The following MAP3K10 variants were observed in gnomAD, a reference collection of about 807,000 sequenced individuals.
MAP3K10 encodes mitogen-activated protein kinase kinase kinase 10.
A neutral mutation model predicts 75.0 loss-of-function variants in MAP3K10; 22 were observed. The ratio of observed to expected loss-of-function variants is 0.29; its 90% CI spans 0.21 to 0.42. The LOEUF is 0.42. MAP3K10 is among the 10% of genes least tolerant of loss of function. The probability of loss-of-function intolerance (pLI) is 1.00; values close to 1 mark genes in which losing one functional copy is unlikely to be tolerated. For synonymous variants in MAP3K10, 599 were observed against 612.9 expected, an observed-to-expected ratio of 0.98 and a Z score of 0.34; for missense variants, 1,165 against 1,379.8, an observed-to-expected ratio of 0.84 and a Z score of 2.47.
Position 40,215,129 on chromosome 19 carries a change from T to C in MAP3K10, c.2702T>C (p.Leu901Pro), listed in dbSNP as rs750783878. 1 of 1,610,458 alleles carries C rather than the reference T, an allele frequency of 6.2e-7. No individual in the cohort carries two copies. Among genetic ancestry groups the C allele is most frequent in the South Asian group, 1.1e-5 (1 of 90,754 alleles). Residue 901 changes from leucine (L) to proline (P), a missense_variant, in exon 10 of 10, where the codon CTG becomes CCG. By Grantham distance (98) the Leu-to-Pro change is moderately conservative. Transcript: ENST00000253055. ...ASRPRLDPWKLVSFGRTLTIS... is the reference protein window; with the variant it reads ...ASRPRLDPWKPVSFGRTLTIS... ...CGCCCCCGCTTGGACCCCTGGAAAC[T>C]GGTCTCCTTCGGCCGGACACTCACC...
At chr19:40,195,360 A>G (rs1187322894) in intron 1 of MAP3K10, among the ~76,000 whole-genome samples, 3 of 151,972 alleles carry the variant, frequency 2.0e-5, no homozygotes, top group Non-Finnish European at 2.9e-5. Context: ...TTTCGATACA[A>G]ACAGGAGAGG....
At position 40,213,438 on chromosome 19, in the gene MAP3K10, C is replaced by G; in HGVS notation, c.1838-79C>G. 5.8e-6 allele frequency: 9 copies of G among 1,558,604 alleles called. No individual in the cohort carries two copies. The South Asian group carries it at 1.1e-4, about 18-fold the overall frequency. ...TTGGTCTTGCTGTTGGAGGGGTCAT[C>G]GGGGGCTGTCCCTTGGCACAAGTCC... On this transcript the variant is annotated intron_variant, in intron 8 of 9. Transcript: ENST00000253055. This position sits in a 1 kb window ranked among gnomAD's most constrained non-coding sequence, Gnocchi z 5.7.
chr19:40,195,899 T>C (rs1205125718), intron 1 of MAP3K10, among the ~76,000 whole-genome samples: 3 of 152,232 alleles, frequency 2.0e-5, no homozygotes, highest in South Asian at 2.1e-4. Context: ...ATGGGCATGA[T>C]AGTAGAACTA....
At chr19:40,211,802 C>A (rs533790934) in intron 6 of MAP3K10, among the ~76,000 whole-genome samples, 1 of 152,308 alleles carries the variant, frequency 6.6e-6, no homozygotes, top group African/African-American at 2.4e-5. Context: ...CAACTCACTG[C>A]AACCTCTGCC....
At position 40,214,010 on chromosome 19, in the gene MAP3K10, A is replaced by ACCCC; in HGVS notation, c.2334_2335insCCCC (p.Ser779ProfsTer74). Reference sequence around the variant, plus strand: ...CCGCACCGGCCGCGCCCTCCCCACCACCCTCCCCGCCCGCGCCCACACCCA... The same window carrying ACCCC: ...CCGCACCGGCCGCGCCCTCCCCACCACCCCCCCTCCCCGCCCGCGCCCACACCCA... On this transcript the variant is annotated frameshift_variant, in exon 9 of 10. Transcript: ENST00000253055. LOFTEE classifies it high-confidence loss of function. 1 of 726,362 alleles carries ACCCC rather than the reference A, an allele frequency of 1.4e-6. No homozygotes were observed. The highest frequency in any genetic ancestry group is 3.1e-5 in the African/African-American group (1 of 31,770). 45.0% of individuals were successfully genotyped at this position (726,362 alleles called of 1,614,324 possible).
In MAP3K10 at chr19:40,203,271, G is replaced by A. The variant is rs533672280; in HGVS notation, c.864-1214G>A. On this transcript the variant is annotated intron_variant, in intron 2 of 9. Transcript: ENST00000253055. ...CAAGAATCACTTGAACCCAAGAGGC[G>A]GAGGTTGCAGGGAGCCGAGATCATG... 9.2e-5 allele frequency among the ~76,000 whole-genome samples: 14 copies of A among 152,142 alleles called. No individual in the cohort carries two copies. The South Asian group carries it at 1.5e-3, about 16-fold the overall frequency.
At position 40,192,559 on chromosome 19, in the gene MAP3K10, T is replaced by C; in HGVS notation, c.528T>C (p.Tyr176=). The C allele has an allele frequency of 3.1e-6, 5 of 1,613,450 alleles. No homozygotes were observed. Among genetic ancestry groups the C allele is most frequent in the Non-Finnish European group, 4.2e-6 (5 of 1,179,888 alleles). The stretch of plus-strand genomic sequence containing the variant: ...CACACCTCTGCCTAGTGATGGAGTA[T>C]GCCCGGGGTGGTGCACTGAGCAGGG... ...NPPHLCLVME[Y]ARGGALSRVL... Residue 176 remains tyrosine (Y), a synonymous_variant, in exon 1 of 10, where the codon TAT becomes TAC. Coordinates refer to ENST00000253055, the MANE Select transcript of MAP3K10 (RefSeq NM_002446.4). This position sits in a 1 kb window ranked among gnomAD's most constrained non-coding sequence, Gnocchi z 7.1.
Position 40,192,089 on chromosome 19 carries a change from G to C in MAP3K10, c.58G>C (p.Val20Leu). Reference protein sequence around the residue: ...KEWGTTPAGPVWTAVFDYEAA... With the variant: ...KEWGTTPAGPLWTAVFDYEAA... Reference sequence around the variant, plus strand: ...GTGGGGCACGACCCCCGCGGGGCCCGTCTGGACCGCGGTGTTCGACTACGA... The same window carrying C: ...GTGGGGCACGACCCCCGCGGGGCCCCTCTGGACCGCGGTGTTCGACTACGA... Residue 20 changes from valine to leucine, a missense_variant, in exon 1 of 10, where the codon GTC becomes CTC. By Grantham distance (32) the Val-to-Leu change is conservative. Transcript: ENST00000253055. The surrounding 1 kb of genome is among the most constrained non-coding windows in gnomAD (Gnocchi z 7.1). 1 of 1,536,100 alleles carries C rather than the reference G, an allele frequency of 6.5e-7. No homozygotes were observed. The highest frequency in any genetic ancestry group is 1.4e-5 in the African/African-American group (1 of 72,988).
rs1362855447 is a variant in MAP3K10 at position 40,198,379 on chromosome 19, G to A, written c.687G>A (p.Leu229=). Residue 229 remains leucine, a synonymous_variant, in exon 2 of 10, where the codon CTG becomes CTA. Coordinates refer to ENST00000253055, the MANE Select transcript of MAP3K10 (RefSeq NM_002446.4). This position sits in a 1 kb window ranked among gnomAD's most constrained non-coding sequence, Gnocchi z 4.3. ...IHRDLKSINI[L]ILEAIENHNL... is the part of the protein sequence containing the mutation. ...ACCTTTCTTCCCACCCCACAGTCCT[G>A]ATCCTGGAGGCCATCGAGAACCACA... is the stretch of plus-strand genomic sequence containing the variant. 1.9e-6 allele frequency: 3 copies of A among 1,612,206 alleles called. No homozygotes were observed. The highest frequency in any genetic ancestry group is 2.5e-6 in the Non-Finnish European group (3 of 1,179,230).
At position 40,198,659 on chromosome 19, in the gene MAP3K10, T is replaced by C. The variant is rs1972961610; in HGVS notation, c.863+104T>C. The C allele has an allele frequency of 1.6e-6, 2 of 1,235,130 alleles. No individual in the cohort carries two copies. Among genetic ancestry groups the C allele is most frequent in the East Asian group, 5.1e-5 (2 of 39,198 alleles). 76.5% of individuals were successfully genotyped at this position (1,235,130 alleles called of 1,614,324 possible). On this transcript the variant is annotated intron_variant, in intron 2 of 9. Coordinates refer to ENST00000253055, the MANE Select transcript of MAP3K10 (RefSeq NM_002446.4). The surrounding 1 kb of genome is among the most constrained non-coding windows in gnomAD (Gnocchi z 4.3). ...TCTCCTGCTGAAGCCAGGATCTCAG[T>C]CTGACAAAGGGACCTGCTGGCAAGG...
chr19:40,192,149 G>A lies in MAP3K10; in HGVS notation c.118G>A (p.Gly40Ser), dbSNP rs1466740385. 6.3e-7 allele frequency: 1 copy of A among 1,599,704 alleles called. No homozygotes were observed. The highest frequency in any genetic ancestry group is 1.1e-5 in the South Asian group (1 of 89,000). ...AGDEELTLRRGDRVQVLSQDC... is the reference protein window; with the variant it reads ...AGDEELTLRRSDRVQVLSQDC... ...CGACGAGGAGCTGACCCTGCGGAGGGGCGATCGCGTCCAGGTGCTTTCCCA... is the reference window on the plus strand; with the variant it reads ...CGACGAGGAGCTGACCCTGCGGAGGAGCGATCGCGTCCAGGTGCTTTCCCA... The change falls in exon 1 of 10, where the codon GGC becomes AGC. Residue 40 changes from glycine (G) to serine (S), a missense_variant. This residue lies in a region of MAP3K10 where 575 missense variants were observed against 793.2 expected (regional missense o/e 0.72). Transcript: ENST00000253055. The surrounding 1 kb of genome is among the most constrained non-coding windows in gnomAD (Gnocchi z 7.1).
chr19:40,211,737 A>G (rs1973244232), intron 6 of MAP3K10, among the ~76,000 whole-genome samples: 1 of 151,950 alleles, frequency 6.6e-6, no homozygotes, highest in East Asian at 1.9e-4. Flanking sequence ...ATAGTATTCC[A>G]TGGTGAGACA....
chr19:40,203,871 G>C (rs967947750), intron 2 of MAP3K10, among the ~76,000 whole-genome samples: 7 of 152,330 alleles, frequency 4.6e-5, no homozygotes, highest in Non-Finnish European at 1.0e-4. Flanking sequence ...CCTGTGTTGA[G>C]ACTTGAGGGA....
At chr19:40,201,179 T>G (rs1290209539) in intron 2 of MAP3K10, among the ~76,000 whole-genome samples, 9 of 150,540 alleles carry the variant, frequency 6.0e-5, no homozygotes, top group East Asian at 1.9e-4. Flanking sequence ...TTTTTGTTTT[T>G]TTTTTTTTTT....
At chr19:40,210,873 T>C (rs535141795) in intron 6 of MAP3K10, among the ~76,000 whole-genome samples, 124 of 152,302 alleles carry the variant, frequency 8.1e-4, no homozygotes, top group Non-Finnish European at 1.4e-3. Flanking sequence ...CCTCAGTGGA[T>C]TGGATGGTGC....
chr19:40,192,437 G>A lies in MAP3K10; in HGVS notation c.406G>A (p.Ala136Thr), dbSNP rs756408658. The A allele has an allele frequency of 1.2e-6, 2 of 1,614,046 alleles. No individual in the cohort carries two copies. The highest frequency in any genetic ancestry group is 4.5e-5 in the East Asian group (2 of 44,884). Residue 136 changes from alanine to threonine, a missense_variant, in exon 1 of 10, where the codon GCA (alanine) becomes ACA (threonine). Ala to Thr is a moderately conservative substitution (Grantham distance 58). Around this residue, in one of 2 missense-constraint regions of MAP3K10, gnomAD observed 575 missense variants for 793.2 expected, o/e 0.72. Transcript: ENST00000253055. This position sits in a 1 kb window ranked among gnomAD's most constrained non-coding sequence, Gnocchi z 7.1. ...CCGGCTGGACCCTGAGAAGGACCCG[G>A]CAGTGACAGCGGAGCAGGTGTGCCA... ...AARLDPEKDP[A>T]VTAEQVCQEA...
chr19:40,200,564 T>C (rs1360278391), intron 2 of MAP3K10, among the ~76,000 whole-genome samples: 1 of 151,602 alleles, frequency 6.6e-6, no homozygotes, highest in Admixed American at 6.6e-5. Context: ...GAGCAGCCCT[T>C]TGGGAGAATT....
chr19:40,213,264 G>T lies in MAP3K10; in HGVS notation c.1837+76G>T, dbSNP rs1471282621. On this transcript the variant is annotated intron_variant, in intron 8 of 9. Coordinates refer to ENST00000253055, the MANE Select transcript of MAP3K10 (RefSeq NM_002446.4). This position sits in a 1 kb window ranked among gnomAD's most constrained non-coding sequence, Gnocchi z 5.7. The stretch of plus-strand genomic sequence containing the variant: ...TGAGCCTCCTGGGGCTGAGCGAAGA[G>T]ACCAGGTTTCACTGGGCCAGTGAGT... 117 of 1,469,246 alleles carry T rather than the reference G, an allele frequency of 8.0e-5. No individual in the cohort carries two copies. Among genetic ancestry groups the T allele is most frequent in the Non-Finnish European group, 9.3e-5 (103 of 1,110,108 alleles). 91.0% of individuals were successfully genotyped at this position (1,469,246 alleles called of 1,614,324 possible).
Position 40,192,705 on chromosome 19 carries a change from C to A in MAP3K10, c.674C>A (p.Ser225Tyr). 1 of 1,540,646 alleles carries A rather than the reference C, an allele frequency of 6.5e-7. No homozygotes were observed. ...PVPIIHRDLK[S>Y]INILILEAIE... ...CCCATCATCCACCGGGACCTCAAGT[C>A]CATCAACAGTAAGTGGTGTCCTCTC... The change falls in exon 1 of 10, where the codon TCC becomes TAC. Residue 225 changes from serine (S) to tyrosine (Y), a missense_variant. Physicochemically the swap from Ser to Tyr is moderately radical, Grantham distance 144. This residue lies in a region of MAP3K10 where 575 missense variants were observed against 793.2 expected (regional missense o/e 0.72). Transcript: ENST00000253055. This position sits in a 1 kb window ranked among gnomAD's most constrained non-coding sequence, Gnocchi z 7.1.
Sources: allele counts gnomAD v4.1 joint callset (sites outside exome capture counted in the v4.1 genomes callset), GRCh38; gene constraint gnomAD v4.1.1; regional missense constraint gnomAD v4.1.1; non-coding constraint Gnocchi (gnomAD v3.1); transcripts MANE v1.5; gene names NCBI Gene and HGNC (gene_info 2026-07-23, HGNC 2026-07-21).